Variants in HBS1L observed in about 807,000 individuals in gnomAD.
HBS1L encodes the protein HBS1-like protein.
In HBS1L, 55 loss-of-function variants were observed where a neutral mutation model predicts 88.9. That is an observed-to-expected ratio of 0.62 (90% CI 0.50 to 0.77). The LOEUF (loss-of-function observed/expected upper bound fraction) is 0.77. HBS1L is among the 30% of genes least tolerant of loss of function. The pLI is 0.00. For missense variants in HBS1L, 741 were observed against 829.3 expected (o/e 0.89, Z 1.31); for synonymous variants, 267 against 288.5 (o/e 0.93, Z 0.76).
chr6:135,043,173 T>C (rs756786926), intron 2 of HBS1L, among the ~76,000 whole-genome samples: 4 of 152,238 alleles, frequency 2.6e-5, no homozygotes, highest in Non-Finnish European at 4.4e-5. Context: ...TCCACAGTAC[T>C]AATGCTTCCA....
chr6:134,982,380 T>C, intron 13 of HBS1L, 78 bp downstream of exon 13: 1 of 810,706 alleles, frequency 1.2e-6, no homozygotes, highest in East Asian at 2.5e-5. Flanking sequence ...TACTTTGGAG[T>C]TGTAACTAAA....
chr6:135,023,312 C>T (rs371102331), intron 4 of HBS1L, among the ~76,000 whole-genome samples: 25 of 152,004 alleles, frequency 1.6e-4, no homozygotes, highest in African/African-American at 5.6e-4. Flanking sequence ...GGCGTGATGG[C>T]GGGCGCCTGT....
At chr6:135,005,275 T>G (rs1329822686) in intron 4 of HBS1L, among the ~76,000 whole-genome samples, 3 of 152,180 alleles carry the variant, frequency 2.0e-5, no homozygotes, top group Non-Finnish European at 4.4e-5. Flanking sequence ...ATATTAAAGT[T>G]TTGGGTTTTG....
chr6:135,042,130 G>A lies in HBS1L; in HGVS notation c.110-4C>T, dbSNP rs1217592828. ...CGTGAATAAATAAACTGAGCAGCTAGAATATAAAATGATCAAAGAATGCTA... is the reference window on the plus strand; with the variant it reads ...CGTGAATAAATAAACTGAGCAGCTAAAATATAAAATGATCAAAGAATGCTA... On this transcript the variant is annotated splice_polypyrimidine_tract_variant and splice_region_variant and intron_variant, in intron 2 of 17. Coordinates refer to ENST00000367837, the MANE Select transcript of HBS1L (RefSeq NM_006620.4). 4 of 1,610,772 alleles carry A rather than the reference G, an allele frequency of 2.5e-6. No homozygotes were observed.
At chr6:134,969,473 A>G in intron 15 of HBS1L, 135 bp from the exon 16 acceptor site, 1 of 633,108 alleles carries the variant, frequency 1.6e-6, no homozygotes, top group Non-Finnish European at 2.8e-6. Flanking sequence ...TGCTTCCTCT[A>G]AGTCCCACCA....
intron 2 of HBS1L, among the ~76,000 whole-genome samples, chr6:135,048,981 A>T (rs1306685120): frequency 6.6e-6 from 1 of 152,236 alleles, no homozygotes; most frequent in Non-Finnish European, 1.5e-5. Flanking sequence ...AAGAAATTAT[A>T]AAAGTCAGAA....
chr6:135,002,705 G>A (rs1234113218), intron 5 of HBS1L, 29 bp downstream of exon 5: 3 of 1,295,858 alleles, frequency 2.3e-6, no homozygotes, highest in South Asian at 1.2e-5. Context: ...GGGTGGGGGT[G>A]GGGATGAGGG....
rs757732130 is a variant in HBS1L at position 134,997,405 on chromosome 6, A to G, written c.791T>C (p.Val264Ala). 4 of 1,613,792 alleles carry G rather than the reference A, an allele frequency of 2.5e-6. No homozygotes were observed. The African/African-American group carries it at 5.3e-5, about 22-fold the overall frequency. ...RQGGKQLLNL[V>A]VIGHVDAGKS... is the part of the protein sequence containing the mutation. ...GGGACAAAGAGCATTACCAATGACC[A>G]CTAAGTTGAGTAGCTGCTTCCCTCC... Residue 264 changes from valine to alanine, a missense_variant, in exon 6 of 18, where the codon GTG becomes GCG. Val to Ala is a moderately conservative substitution (Grantham distance 64). Transcript: ENST00000367837.
intron 12 of HBS1L, chr6:134,982,991 T>C (rs1259398767): frequency 6.6e-6 from 1 of 152,578 alleles, no homozygotes; most frequent in Non-Finnish European, 1.5e-5. Context: ...AAAGAATCCA[T>C]GATGGTGAGA....
intron 2 of HBS1L, among the ~76,000 whole-genome samples, chr6:135,042,968 A>G (rs1583156436): frequency 6.6e-6 from 1 of 152,350 alleles, no homozygotes; most frequent in East Asian, 1.9e-4. Flanking sequence ...ACTGTAAACT[A>G]GTGTCATATA....
intron 4 of HBS1L, among the ~76,000 whole-genome samples, chr6:135,026,506 C>T (rs1004713485): frequency 1.3e-5 from 2 of 151,998 alleles, no homozygotes; most frequent in Non-Finnish European, 2.9e-5. Context: ...AAATGACAGA[C>T]ATTATTATCT....
At chr6:134,984,756 C>G (rs1774931698) in intron 12 of HBS1L, among the ~76,000 whole-genome samples, 1 of 152,138 alleles carries the variant, frequency 6.6e-6, no homozygotes, top group Non-Finnish European at 1.5e-5. Flanking sequence ...TTCCAGCAAG[C>G]TCTGAACCTC....
chr6:135,025,351 CCTCTG>C (rs1281674033), intron 4 of HBS1L, among the ~76,000 whole-genome samples: 2 of 152,180 alleles, frequency 1.3e-5, no homozygotes, highest in Non-Finnish European at 2.9e-5. Context: ...TGGAGGCGTA[CCTCTG>C]AAGGACCCAA....
At chr6:135,005,385 A>G (rs1298957417) in intron 4 of HBS1L, among the ~76,000 whole-genome samples, 5 of 152,228 alleles carry the variant, frequency 3.3e-5, no homozygotes, top group African/African-American at 1.2e-4. Context: ...ACAGCCACAC[A>G]CTTCAGGGCA....
At chr6:135,029,481 C>T (rs1776326895) in intron 4 of HBS1L, among the ~76,000 whole-genome samples, 1 of 151,940 alleles carries the variant, frequency 6.6e-6, no homozygotes, top group South Asian at 2.1e-4. Flanking sequence ...AAAAATATAG[C>T]TTTATATATA....
intron 15 of HBS1L, among the ~76,000 whole-genome samples, chr6:134,977,947 T>C (rs1212493367): frequency 6.6e-6 from 1 of 152,018 alleles, no homozygotes; most frequent in Non-Finnish European, 1.5e-5. Context: ...AAGTAACAGC[T>C]TTTCAGGATA....
chr6:135,019,456 T>G (rs182463448), intron 4 of HBS1L, among the ~76,000 whole-genome samples: 4 of 152,030 alleles, frequency 2.6e-5, no homozygotes, highest in African/African-American at 9.6e-5. Flanking sequence ...TAAATGAAAA[T>G]TAAACTGTAT....
At chr6:134,987,827 T>C in intron 8 of HBS1L, 36 bp from the exon 9 acceptor site, 1 of 1,527,840 alleles carries the variant, frequency 6.5e-7, no homozygotes, top group African/African-American at 1.4e-5. Flanking sequence ...AGAAATAATG[T>C]TTCAGCATTT....
chr6:134,985,536 TTAAC>T, intron 11 of HBS1L, 127 bp from the exon 12 acceptor site: 2 of 589,256 alleles, frequency 3.4e-6, no homozygotes, highest in South Asian at 2.5e-5. Flanking sequence ...TAATAGCAAC[TTAAC>T]TGTCACTAAT....
Sources: allele counts gnomAD v4.1 joint callset (sites outside exome capture counted in the v4.1 genomes callset), GRCh38; gene constraint gnomAD v4.1.1; transcripts MANE v1.5; gene names NCBI Gene and HGNC (gene_info 2026-07-23, HGNC 2026-07-21).